Variants in SCD5 observed in about 807,000 individuals in gnomAD.
SCD5 encodes acyl-CoA-desaturase 4.
In SCD5, 20 loss-of-function variants were observed where a neutral mutation model predicts 30.4. The ratio of observed to expected loss-of-function variants is 0.66; its 90% confidence interval spans 0.46 to 0.96. The LOEUF (loss-of-function observed/expected upper bound fraction) is 0.96. Among genes scored for constraint, SCD5 ranks in the 40% least tolerant of loss-of-function variants. The probability of loss-of-function intolerance (pLI) is 0.00; values close to 1 mark genes in which losing one functional copy is unlikely to be tolerated. For synonymous variants in SCD5, 173 were observed against 176.4 expected, an observed-to-expected ratio of 0.98 and a Z score of 0.16; for missense variants, 381 against 443.3, an observed-to-expected ratio of 0.86 and a Z score of 1.26.
In SCD5 at chr4:82,655,905, A is replaced by G. The variant is rs989267438; in HGVS notation, c.570-19082T>C. ...TTGCTGACATGTCTGCTGTAAGCCA[A>G]GGGTGGCTCCTTGAGTTCCAAGTTG... On this transcript the variant is annotated intron_variant, in intron 3 of 4. Coordinates refer to ENST00000319540, the MANE Select transcript of SCD5 (RefSeq NM_001037582.3). Among the ~76,000 whole-genome samples the G allele has an allele frequency of 2.6e-5, 4 of 152,314 alleles. No individual in the cohort carries two copies. The East Asian group carries it at 7.7e-4, about 29-fold the overall frequency.
intron 3 of SCD5, among the ~76,000 whole-genome samples, chr4:82,674,684 C>T (rs1389278180): frequency 6.6e-6 from 1 of 152,168 alleles, no homozygotes; most frequent in Non-Finnish European, 1.5e-5. Context: ...AATGTTTACT[C>T]TAGCTTTATT....
At chr4:82,755,045 T>C (rs767869406) in intron 1 of SCD5, among the ~76,000 whole-genome samples, 3 of 150,626 alleles carry the variant, frequency 2.0e-5, no homozygotes, top group Non-Finnish European at 2.9e-5. Context: ...TGGGAAGAAC[T>C]TGATGTCAGT....
intron 3 of SCD5, among the ~76,000 whole-genome samples, chr4:82,665,155 A>T (rs1728155642): frequency 6.8e-6 from 1 of 146,342 alleles, no homozygotes; most frequent in Non-Finnish European, 1.5e-5. Context: ...GGATCATTTG[A>T]GCCAGAAGTT....
chr4:82,672,630 G>A (rs1728352604), intron 3 of SCD5, among the ~76,000 whole-genome samples: 1 of 151,740 alleles, frequency 6.6e-6, no homozygotes, highest in South Asian at 2.1e-4. Flanking sequence ...TATGATAACT[G>A]GTATAATTTC....
chr4:82,765,866 T>C (rs1281794136), intron 1 of SCD5, among the ~76,000 whole-genome samples: 1 of 152,132 alleles, frequency 6.6e-6, no homozygotes, highest in Non-Finnish European at 1.5e-5. Context: ...GTGATCCGCC[T>C]GCCTTGGCCT....
intron 1 of SCD5, among the ~76,000 whole-genome samples, chr4:82,787,766 T>C (rs1722016800): frequency 6.6e-6 from 1 of 152,200 alleles, no homozygotes; most frequent in Non-Finnish European, 1.5e-5. Context: ...CAGTGACTCA[T>C]GCCTGTAAGC....
At chr4:82,648,353 G>A (rs918680105) in intron 3 of SCD5, among the ~76,000 whole-genome samples, 2 of 152,222 alleles carry the variant, frequency 1.3e-5, no homozygotes, top group African/African-American at 4.8e-5. Context: ...GCCCACACAC[G>A]CAGGTGTGAA....
chr4:82,765,642 A>G (rs1367507326), intron 1 of SCD5, among the ~76,000 whole-genome samples: 1 of 150,130 alleles, frequency 6.7e-6, no homozygotes, highest in African/African-American at 2.5e-5. Flanking sequence ...TTTGAGACAG[A>G]GTCTTGCTCT....
chr4:82,686,369 C>A (rs1299800734), intron 2 of SCD5, among the ~76,000 whole-genome samples: 2 of 152,192 alleles, frequency 1.3e-5, no homozygotes, highest in Admixed American at 6.5e-5. Flanking sequence ...ATTAAGAATT[C>A]AATGCTGCCT....
chr4:82,787,482 G>C (rs1178189871), intron 1 of SCD5, among the ~76,000 whole-genome samples: 1 of 152,164 alleles, frequency 6.6e-6, no homozygotes, highest in African/African-American at 2.4e-5. Flanking sequence ...CCTTGGAAGA[G>C]GTGTTGGCTG....
At chr4:82,783,023 C>T (rs1294276502) in intron 1 of SCD5, among the ~76,000 whole-genome samples, 1 of 152,190 alleles carries the variant, frequency 6.6e-6, no homozygotes, top group Admixed American at 6.5e-5. Flanking sequence ...TAAGAACCAC[C>T]AGCAACACTT....
intron 1 of SCD5, among the ~76,000 whole-genome samples, chr4:82,719,198 C>G (rs1280558179): frequency 6.6e-6 from 1 of 151,836 alleles, no homozygotes; most frequent in African/African-American, 2.4e-5. Context: ...ACCTCTCTTT[C>G]TTGCATGGCA....
At chr4:82,747,952 G>A (rs1041822678) in intron 1 of SCD5, among the ~76,000 whole-genome samples, 1 of 152,174 alleles carries the variant, frequency 6.6e-6, no homozygotes, top group Non-Finnish European at 1.5e-5. Flanking sequence ...GACCACAGTT[G>A]AGCTATTCTC....
At chr4:82,797,042 C>A (rs991127676) in intron 1 of SCD5, among the ~76,000 whole-genome samples, 1 of 152,154 alleles carries the variant, frequency 6.6e-6, no homozygotes, top group Non-Finnish European at 1.5e-5. Context: ...CCCTGAGCCA[C>A]ACCCCCTAAG....
At chr4:82,672,340 CTAA>C (rs1217763609) in intron 3 of SCD5, among the ~76,000 whole-genome samples, 1 of 151,980 alleles carries the variant, frequency 6.6e-6, no homozygotes, top group African/African-American at 2.4e-5. Context: ...GCACAAATTA[CTAA>C]TATCATAAGT....
At chr4:82,726,331 C>T (rs185874799) in intron 1 of SCD5, among the ~76,000 whole-genome samples, 30 of 150,970 alleles carry the variant, frequency 2.0e-4, no homozygotes, top group African/African-American at 7.1e-4. Context: ...GCAGGAGAAT[C>T]GCTTGAACCC....
In SCD5 at chr4:82,665,027, T is replaced by TACAC. The variant is rs36067892; in HGVS notation, c.569+15676_569+15679dup. Among the ~76,000 whole-genome samples the TACAC allele has an allele frequency of 1.5e-3, 50 of 32,774 alleles. 1 individual carries two copies. The highest frequency in any genetic ancestry group is 7.6e-3 in the East Asian group (2 of 262). 21.5% of individuals were successfully genotyped at this position (32,774 alleles called of 152,430 possible). A position where few individuals can be genotyped will look rare whatever the true frequency, so the allele number is the denominator to read the frequency against. Reference sequence around the variant, plus strand: ...TATATATATATATATATATGTATAATACACACACACACACACACATATATA... The same window carrying TACAC: ...TATATATATATATATATATGTATAATACACACACACACACACACACACATATATA... On this transcript the variant is annotated intron_variant, in intron 3 of 4. Transcript: ENST00000319540.
intron 1 of SCD5, among the ~76,000 whole-genome samples, chr4:82,742,693 A>G (rs949659610): frequency 2.0e-5 from 3 of 152,210 alleles, no homozygotes; most frequent in Non-Finnish European, 4.4e-5. Flanking sequence ...TGGCTGAGGC[A>G]TGAGAATCGC....
At chr4:82,657,079 T>C (rs1204660710) in intron 3 of SCD5, among the ~76,000 whole-genome samples, 1 of 152,222 alleles carries the variant, frequency 6.6e-6, no homozygotes, top group Non-Finnish European at 1.5e-5. Context: ...TTTCTTTTGC[T>C]GTGCAGAAGC....
Sources: gnomAD v4.1 joint callset for allele counts (sites outside exome capture counted in the v4.1 genomes callset) on GRCh38, gnomAD v4.1.1 for gene constraint, MANE v1.5 for transcripts, NCBI Gene and HGNC (gene_info 2026-07-23, HGNC 2026-07-21) for gene names.